The following CLIP4 variants were observed in gnomAD, a reference collection of about 807,000 sequenced individuals.
The protein encoded by CLIP4 is CAP-Gly domain-containing linker protein 4.
In CLIP4, 47 loss-of-function variants were observed where a neutral mutation model predicts 73.1. The observed-to-expected ratio is 0.64, with a 90% CI of 0.51 to 0.82. The LOEUF is 0.82. Ranked by LOEUF, CLIP4 falls within the 40% of genes least tolerant of loss-of-function variation. The pLI is 0.00. For synonymous variants in CLIP4, 306 were observed against 295.4 expected, an observed-to-expected ratio of 1.04 and a Z score of -0.37; for missense variants, 874 against 852.9, an observed-to-expected ratio of 1.02 and a Z score of -0.31.
intron 8 of CLIP4, among the ~76,000 whole-genome samples, chr2:29,150,040 C>G (rs922757217): frequency 1.3e-5 from 2 of 152,038 alleles, no homozygotes; most frequent in East Asian, 1.9e-4. Flanking sequence ...GTCTTTTTGC[C>G]TGTGTGATCA....
At chr2:29,129,076 C>G (rs150747681) in intron 2 of CLIP4, among the ~76,000 whole-genome samples, 27 of 152,204 alleles carry the variant, frequency 1.8e-4, no homozygotes, top group Non-Finnish European at 3.2e-4. Flanking sequence ...GGATTACTTA[C>G]GAAAATTTCA....
At chr2:29,175,757 CT>C (rs1276433868) in intron 15 of CLIP4, among the ~76,000 whole-genome samples, 2 of 151,996 alleles carry the variant, frequency 1.3e-5, no homozygotes, top group Non-Finnish European at 2.9e-5. Context: ...AAACTTTTTT[CT>C]TTTTTTAATT....
At chr2:29,140,634 A>G (rs1156537344) in intron 6 of CLIP4, among the ~76,000 whole-genome samples, 2 of 152,162 alleles carry the variant, frequency 1.3e-5, no homozygotes, top group Non-Finnish European at 2.9e-5. Flanking sequence ...TTCTAGTTCT[A>G]GATCCCTGAG....
At chr2:29,121,731 TA>T (rs1238467915) in intron 2 of CLIP4, among the ~76,000 whole-genome samples, 1 of 152,234 alleles carries the variant, frequency 6.6e-6, no homozygotes, top group Admixed American at 6.5e-5. Context: ...TATATTATGT[TA>T]AAATGTTCAT....
upstream of CLIP4, among the ~76,000 whole-genome samples, chr2:29,110,649 T>G (rs1363943327): frequency 6.6e-6 from 1 of 152,232 alleles, no homozygotes; most frequent in South Asian, 2.1e-4. Flanking sequence ...GGGCTGGAGA[T>G]AGAAATTTGG....
intron 11 of CLIP4, among the ~76,000 whole-genome samples, chr2:29,159,997 A>G (rs1287023488): frequency 6.6e-6 from 1 of 152,232 alleles, no homozygotes. Context: ...ATTTGCAGAA[A>G]CAGTTTGCTG....
chr2:29,181,942 A>G lies in CLIP4; in HGVS notation c.*49A>G. The G allele has an allele frequency of 6.9e-7, 1 of 1,453,526 alleles. No individual in the cohort carries two copies. Among genetic ancestry groups the G allele is most frequent in the Non-Finnish European group, 9.3e-7 (1 of 1,073,896 alleles). 90.0% of individuals were successfully genotyped at this position (1,453,526 alleles called of 1,614,324 possible). A position where few individuals can be genotyped will look rare whatever the true frequency, so the allele number is the denominator to read the frequency against. On this transcript the variant is annotated 3_prime_UTR_variant, in exon 16 of 16. Transcript: ENST00000320081. The stretch of plus-strand genomic sequence containing the variant: ...CAAATATATATATTTGGTGTAAATA[A>G]AGAGTCCATGGTAAATGGTTTACTT...
chr2:29,167,433 AG>A (rs11364047), intron 13 of CLIP4, 42 bp from the exon 14 acceptor site: 254,410 of 1,449,738 alleles, frequency 0.18, 24,908 homozygotes, highest in Non-Finnish European at 0.2. Flanking sequence ...TTAAACCTGA[AG>A]ACCAGCTACT....
chr2:29,138,503 G>A (rs1319733272), intron 6 of CLIP4, among the ~76,000 whole-genome samples: 1 of 148,190 alleles, frequency 6.7e-6, no homozygotes, highest in Non-Finnish European at 1.5e-5. Context: ...TTTTTTTTTG[G>A]CTCCATATGA....
At chr2:29,102,631 CTTTT>C (rs1304491469) in intron 1 of CLIP4, among the ~76,000 whole-genome samples, 1 of 145,564 alleles carries the variant, frequency 6.9e-6, no homozygotes, top group Admixed American at 6.9e-5. Context: ...CTTTTCTTTT[CTTTT>C]TTTTTTTTGA....
At chr2:29,171,133 A>G (rs1667974730) in intron 14 of CLIP4, among the ~76,000 whole-genome samples, 2 of 152,196 alleles carry the variant, frequency 1.3e-5, no homozygotes, top group African/African-American at 4.8e-5. Context: ...ATATCCATAA[A>G]ATAACTTGCT....
intron 9 of CLIP4, among the ~76,000 whole-genome samples, chr2:29,153,046 C>T (rs1666684116): frequency 6.6e-6 from 1 of 152,104 alleles, no homozygotes; most frequent in Non-Finnish European, 1.5e-5. Flanking sequence ...TCTTTACTGT[C>T]TCCATACCTT....
rs780755878 is a variant in CLIP4, at chr2:29,132,160, G to C, written c.282G>C (p.Lys94Asn). The stretch of plus-strand genomic sequence containing the variant: ...TTCCTTGACTGCTTCAGATTCTTAA[G>C]AGAGGTTGCAATGTGAATGATAGAG... ...NIDIIGNEIL[K>N]RGCNVNDRDG... The change falls in exon 4 of 16, where the codon AAG becomes AAC. Residue 94 changes from lysine (K) to asparagine (N), a missense_variant. Transcript: ENST00000320081. 4 of 1,613,148 alleles carry C rather than the reference G, an allele frequency of 2.5e-6. No homozygotes were observed. In the African/African-American group the frequency reaches 5.3e-5, roughly 22 times the overall value.
intron 13 of CLIP4, among the ~76,000 whole-genome samples, chr2:29,164,505 C>T (rs958460863): frequency 2.6e-5 from 4 of 152,096 alleles, no homozygotes; most frequent in Non-Finnish European, 5.9e-5. Context: ...CCACCTCATC[C>T]GGTTTTAAAA....
Position 29,160,918 on chromosome 2 carries a change from G to A in CLIP4, c.1534+451G>A, listed in dbSNP as rs184675022. On this transcript the variant is annotated intron_variant, in intron 12 of 15. Transcript: ENST00000320081. ...GGGGCCCTTAAAAATACATGTTTGT[G>A]TATTTATATATTCATTCCAATCTAT... Among the ~76,000 whole-genome samples, 8 of 152,184 alleles carry A rather than the reference G, an allele frequency of 5.3e-5. No individual in the cohort carries two copies. The East Asian group carries it at 1.5e-3, about 29-fold the overall frequency.
In CLIP4 at chr2:29,132,184, A is replaced by G. The variant is rs1204602740; in HGVS notation, c.306A>G (p.Arg102=). The change falls in exon 4 of 16, where the codon AGA becomes AGG. Residue 102 remains arginine, a synonymous_variant. Transcript: ENST00000320081. ...AGAGAGGTTGCAATGTGAATGATAGAGATGGATTGACAGATATGACTCTTT... is the reference window on the plus strand; with the variant it reads ...AGAGAGGTTGCAATGTGAATGATAGGGATGGATTGACAGATATGACTCTTT... The part of the protein sequence containing the change: ...ILKRGCNVND[R]DGLTDMTLLH... The G allele has an allele frequency of 6.2e-7, 1 of 1,613,840 alleles. No individual in the cohort carries two copies. The highest frequency in any genetic ancestry group is 8.5e-7 in the Non-Finnish European group (1 of 1,179,826).
At chr2:29,125,232 T>C (rs1482559679) in intron 2 of CLIP4, among the ~76,000 whole-genome samples, 7 of 152,162 alleles carry the variant, frequency 4.6e-5, no homozygotes, top group Admixed American at 1.3e-4. Flanking sequence ...GCCAGAAAGA[T>C]TGGGGACTGC....
chr2:29,156,759 A>G (rs913332517), intron 10 of CLIP4, among the ~76,000 whole-genome samples: 2 of 152,228 alleles, frequency 1.3e-5, no homozygotes, highest in African/African-American at 4.8e-5. Context: ...CTATCAAATC[A>G]TTAGATGAAT....
intron 9 of CLIP4, among the ~76,000 whole-genome samples, chr2:29,155,678 C>G (rs887880894): frequency 4.6e-5 from 7 of 152,166 alleles, no homozygotes; most frequent in East Asian, 1.9e-4. Flanking sequence ...TGTCTCCTCT[C>G]CACCCTCTTC....
Sources: gnomAD v4.1 joint callset for allele counts (sites outside exome capture counted in the v4.1 genomes callset) on GRCh38, gnomAD v4.1.1 for gene constraint, MANE v1.5 for transcripts, NCBI Gene and HGNC (gene_info 2026-07-23, HGNC 2026-07-21) for gene names.